The following MPI variants were observed in gnomAD, a reference collection of about 807,000 sequenced individuals.
The protein encoded by MPI is mannose-6-phosphate isomerase.
MPI carries 33 observed loss-of-function variants against 40.1 expected under a neutral mutation model. That is an observed-to-expected ratio of 0.82 (90% CI 0.62 to 1.10). The LOEUF (loss-of-function observed/expected upper bound fraction) is 1.10. MPI is among the 50% of genes least tolerant of loss of function. The probability of loss-of-function intolerance (pLI) is 0.00; values close to 1 mark genes in which losing one functional copy is unlikely to be tolerated. For synonymous variants in MPI, 187 were observed against 207.4 expected (o/e 0.90, Z 0.85); for missense variants, 514 against 524.1 (o/e 0.98, Z 0.19).
Position 74,890,509 on chromosome 15 carries a change from C to T in MPI, c.17-18C>T. 6.2e-7 allele frequency: 1 copy of T among 1,613,866 alleles called. No homozygotes were observed. Among genetic ancestry groups the T allele is most frequent in the South Asian group, 1.1e-5 (1 of 91,074 alleles). On this transcript the variant is annotated intron_variant, in intron 1 of 7. Coordinates refer to ENST00000352410, the MANE Select transcript of MPI (RefSeq NM_002435.3). ...GCCTGAGGAGTGGAGTGGCAGCTGA[C>T]CCTGTCTGTGCCCCTAGTATTCCCA...
chr15:74,890,191 C>A (rs917331930), intron 1 of MPI, 102 bp downstream of exon 1: 6 of 1,515,852 alleles, frequency 4.0e-6, no homozygotes, highest in East Asian at 2.3e-5. Flanking sequence ...TGGCATTCCG[C>A]GGAAAGATGG....
intron 3 of MPI, among the ~76,000 whole-genome samples, 158 bp downstream of exon 3, chr15:74,891,737 T>C (rs1316841701): frequency 2.6e-5 from 4 of 152,206 alleles, no homozygotes; most frequent in African/African-American, 9.7e-5. Flanking sequence ...CAAAGCCAGA[T>C]GGTAGTGACA....
intron 3 of MPI, 48 bp downstream of exon 3, chr15:74,891,627 G>A: frequency 6.3e-7 from 1 of 1,592,256 alleles, no homozygotes; most frequent in Non-Finnish European, 8.6e-7. Flanking sequence ...AAGGGCTTAT[G>A]CTAAGGCCCT....
In MPI at chr15:74,892,738, C is replaced by A. The variant is rs747838398; in HGVS notation, c.423C>A (p.Ala141=). 1 of 1,614,264 alleles carries A rather than the reference C, an allele frequency of 6.2e-7. No homozygotes were observed. Among genetic ancestry groups the A allele is most frequent in the South Asian group, 1.1e-5 (1 of 91,088 alleles). The change falls in exon 4 of 8, where the codon GCC becomes GCA. Residue 141 remains alanine, a synonymous_variant. Coordinates refer to ENST00000352410, the MANE Select transcript of MPI (RefSeq NM_002435.3). Reference sequence around the variant, plus strand: ...ACCACAAGCCAGAGATGGCCATTGCCCTCACCCCCTTCCAGGGCTTGTGTG... The same window carrying A: ...ACCACAAGCCAGAGATGGCCATTGCACTCACCCCCTTCCAGGGCTTGTGTG... ...DANHKPEMAI[A]LTPFQGLCGF...
In MPI at chr15:74,893,140, G is replaced by C; in HGVS notation, c.490G>C (p.Val164Leu). The change falls in exon 5 of 8, where the codon GTG becomes CTG. Residue 164 changes from valine (V) to leucine (L), a missense_variant and splice_region_variant. Transcript: ENST00000352410. ...VEEIVTFLKK[V>L]PEFQFLIGDE... ...CCCTGGGCCTTGCCTTCCTGTAGAG[G>C]TGCCTGAGTTTCAGTTCCTGATTGG... 1 of 1,613,834 alleles carries C rather than the reference G, an allele frequency of 6.2e-7. No homozygotes were observed. The highest frequency in any genetic ancestry group is 8.5e-7 in the Non-Finnish European group (1 of 1,180,028).
chr15:74,894,107 T>TGTGTGTGTGTTTCTGAGCCAG (rs1555478772), intron 5 of MPI, among the ~76,000 whole-genome samples: 2 of 61,000 alleles, frequency 3.3e-5, no homozygotes, highest in Non-Finnish European at 9.3e-5. Context: ...TGTGTGTGTG[T>TGTGTGTGTGTTTCTGAGCCAG]GGTCTCTTTC....
chr15:74,892,874 A>G (rs2064748246), intron 4 of MPI, 72 bp downstream of exon 4: 2 of 1,609,288 alleles, frequency 1.2e-6, no homozygotes, highest in Non-Finnish European at 1.7e-6. Flanking sequence ...TGATAGGAAC[A>G]GTGGCTGAGA....
intron 4 of MPI, 108 bp downstream of exon 4, chr15:74,892,910 A>AG: frequency 1.3e-6 from 2 of 1,569,502 alleles, no homozygotes; most frequent in Non-Finnish European, 1.7e-6. Context: ...CAGGAACTGA[A>AG]GGGCCTCATG....
intron 1 of MPI, 79 bp downstream of exon 1, chr15:74,890,168 T>G (rs1299824404): frequency 3.2e-6 from 5 of 1,576,256 alleles, no homozygotes; most frequent in South Asian, 1.1e-5. Context: ...ATCGGCCAGG[T>G]TGAGTCCGCT....
At position 74,893,039 on chromosome 15, in the gene MPI, TGGTTAG is replaced by T; in HGVS notation, c.488-96_488-91del. On this transcript the variant is annotated intron_variant, in intron 4 of 7. Coordinates refer to ENST00000352410, the MANE Select transcript of MPI (RefSeq NM_002435.3). ...AGTTTACTTAGCATTGCCGGCTCTT[TGGTTAG>T]GGCTGGGATGGAAAGGTGTCCTCCA... The T allele has an allele frequency of 4.0e-6, 6 of 1,512,554 alleles. No individual in the cohort carries two copies. The Admixed American group carries it at 1.0e-4, about 26-fold the overall frequency. The allele number at this position is 1,512,554 out of a possible 1,614,324, so 93.7% of individuals were successfully genotyped here. A position where few individuals can be genotyped will look rare whatever the true frequency, so the allele number is the denominator to read the frequency against.
At position 74,899,181 on chromosome 15, in the gene MPI, A is replaced by C. The variant is rs543116118; in HGVS notation, c.*1451A>C. ...TCCAGGGGTGGCACACACCTGCAAG[A>C]GGCTGTCGGCTGTCTGCTGCTGCTG... On this transcript the variant is annotated 3_prime_UTR_variant, in exon 8 of 8. Coordinates refer to ENST00000352410, the MANE Select transcript of MPI (RefSeq NM_002435.3). 1 of 152,308 alleles carries C rather than the reference A, an allele frequency of 6.6e-6. No homozygotes were observed. The highest frequency in any genetic ancestry group is 6.5e-5 in the Admixed American group (1 of 15,302). 9.4% of individuals were successfully genotyped at this position (152,308 alleles called of 1,614,324 possible). A position where few individuals can be genotyped will look rare whatever the true frequency, so the allele number is the denominator to read the frequency against.
intron 1 of MPI, 28 bp from the exon 2 acceptor site, chr15:74,890,499 T>C: frequency 6.2e-7 from 1 of 1,613,268 alleles, no homozygotes; most frequent in South Asian, 1.1e-5. Context: ...AGGAGTGGAG[T>C]GGCAGCTGAC....
At chr15:74,891,610 G>C (rs1046183379) in intron 3 of MPI, 31 bp downstream of exon 3, 1 of 1,606,484 alleles carries the variant, frequency 6.2e-7, no homozygotes, top group Admixed American at 1.7e-5. Flanking sequence ...CAGAGGTCAG[G>C]GTACAGAAGG....
At position 74,893,303 on chromosome 15, in the gene MPI, A is replaced by G; in HGVS notation, c.653A>G (p.Lys218Arg). The change falls in exon 5 of 8, where the codon AAG (lysine) becomes AGG (arginine). Residue 218 changes from lysine to arginine, a missense_variant. Physicochemically the swap from Lys to Arg is conservative, Grantham distance 26. Transcript: ENST00000352410. ...GTGGAACAGCTCAACCTGTTGGTGA[A>G]GCGGATCTCCCAGCAAGGTGGACAC... ...VVVEQLNLLV[K>R]RISQQAAAGN... 1 of 1,614,216 alleles carries G rather than the reference A, an allele frequency of 6.2e-7. No homozygotes were observed. Among genetic ancestry groups the G allele is most frequent in the Non-Finnish European group, 8.5e-7 (1 of 1,180,028 alleles).
chr15:74,897,013 T>C lies in MPI; in HGVS notation c.847T>C (p.Cys283Arg). Reference sequence around the variant, plus strand: ...GCACATGACGACTGTCTCTCCAGACTGCGTGGAGTGCATGGCGTGTTCAGA... The same window carrying C: ...GCACATGACGACTGTCTCTCCAGACCGCGTGGAGTGCATGGCGTGTTCAGA... ...NVPHAYLKGD[C>R]VECMACSDNT... The change falls in exon 7 of 8, where the codon TGC becomes CGC. Residue 283 changes from cysteine (C) to arginine (R), a missense_variant and splice_region_variant. Transcript: ENST00000352410. The C allele has an allele frequency of 6.2e-7, 1 of 1,614,150 alleles. No homozygotes were observed.
chr15:74,892,166 G>A (rs1034637245), intron 3 of MPI, among the ~76,000 whole-genome samples: 1 of 152,088 alleles, frequency 6.6e-6, no homozygotes, highest in Non-Finnish European at 1.5e-5. Context: ...GCTAATTTTT[G>A]TATTTTTAGT....
chr15:74,897,967 C>T lies in MPI; in HGVS notation c.*237C>T. ...GTCTGATACTCCCTTTGTCTTCCCT[C>T]TCTACTCCTCGCTACACCTGAGCCA... is the stretch of plus-strand genomic sequence containing the variant. On this transcript the variant is annotated 3_prime_UTR_variant, in exon 8 of 8. Transcript: ENST00000352410. The T allele has an allele frequency of 1.7e-6, 1 of 582,860 alleles. No individual in the cohort carries two copies. Among genetic ancestry groups the T allele is most frequent in the African/African-American group, 1.8e-5 (1 of 54,428 alleles). 36.1% of individuals were successfully genotyped at this position (582,860 alleles called of 1,614,324 possible). A position where few individuals can be genotyped will look rare whatever the true frequency, so the allele number is the denominator to read the frequency against.
At chr15:74,893,461 C>G in intron 5 of MPI, 141 bp downstream of exon 5, 1 of 831,202 alleles carries the variant, frequency 1.2e-6, no homozygotes, top group Non-Finnish European at 2.0e-6. Flanking sequence ...CTGTTGGCAA[C>G]TTAGCATTGC....
At chr15:74,890,786 A>T in intron 2 of MPI, 132 bp downstream of exon 2, 3 of 1,181,316 alleles carry the variant, frequency 2.5e-6, no homozygotes, top group Non-Finnish European at 3.7e-6. Context: ...CTTCAGGCTA[A>T]TGGACTAGAT....
Sources: gnomAD v4.1 joint callset for allele counts (sites outside exome capture counted in the v4.1 genomes callset) on GRCh38, gnomAD v4.1.1 for gene constraint, MANE v1.5 for transcripts, NCBI Gene and HGNC (gene_info 2026-07-23, HGNC 2026-07-21) for gene names.